The following CYP2C8 variants were observed in gnomAD, a reference collection of about 807,000 sequenced individuals.
CYP2C8 encodes cytochrome P450 family 2 subfamily C member 8.
CYP2C8 carries 51 observed loss-of-function variants against 41.3 expected under a neutral mutation model. That is an observed-to-expected ratio of 1.24 (90% confidence interval 0.99 to 1.56). The LOEUF is 1.56. CYP2C8 is among the 40% of genes most tolerant of loss of function. The pLI is 0.00. For missense variants in CYP2C8, 651 were observed against 579.9 expected (o/e 1.12, Z -1.26); for synonymous variants, 218 against 205.8 (o/e 1.06, Z -0.51).
intron 4 of CYP2C8, among the ~76,000 whole-genome samples, chr10:95,062,386 A>G (rs1392713602): frequency 1.3e-5 from 2 of 152,140 alleles, no homozygotes; most frequent in Admixed American, 1.3e-4. Context: ...TCCCTTTACC[A>G]TTATGTAATG....
intron 4 of CYP2C8, among the ~76,000 whole-genome samples, chr10:95,062,889 C>A (rs1269509682): frequency 6.6e-6 from 1 of 152,106 alleles, no homozygotes; most frequent in African/African-American, 2.4e-5. Context: ...ATTTCTCCTT[C>A]ACTTATGAAG....
intron 4 of CYP2C8, among the ~76,000 whole-genome samples, chr10:95,061,295 G>T (rs1249716098): frequency 6.6e-6 from 1 of 152,024 alleles, no homozygotes; most frequent in East Asian, 1.9e-4. Flanking sequence ...TTGGTAAGCT[G>T]TTAATTATTG....
chr10:95,066,924 C>T (rs2033581561), intron 3 of CYP2C8, among the ~76,000 whole-genome samples: 1 of 152,136 alleles, frequency 6.6e-6, no homozygotes, highest in Non-Finnish European at 1.5e-5. Context: ...ACTCAAGACC[C>T]TTATTTATAA....
chr10:95,054,447 T>C (rs2033273766), intron 5 of CYP2C8, among the ~76,000 whole-genome samples: 1 of 152,164 alleles, frequency 6.6e-6, no homozygotes, highest in African/African-American at 2.4e-5. Flanking sequence ...AAAGGTATTT[T>C]ATATCAAATT....
rs2134404019 is a variant in CYP2C8 at position 95,037,453 on chromosome 10, G to C, written c.1292-144C>G. The C allele has an allele frequency of 1.8e-5, 13 of 721,336 alleles. No homozygotes were observed. In the South Asian group the frequency reaches 2.1e-4, roughly 12 times the overall value. 44.7% of individuals were successfully genotyped at this position (721,336 alleles called of 1,614,324 possible). On this transcript the variant is annotated intron_variant, in intron 8 of 8. Transcript: ENST00000371270. ...AGATGAATGAACATGTGGATGAATG[G>C]ATGGATGACATGATGGATTGATTAA...
chr10:95,058,297 CAAG>C, intron 5 of CYP2C8, 35 bp downstream of exon 5: 1 of 1,610,644 alleles, frequency 6.2e-7, no homozygotes, highest in Non-Finnish European at 8.5e-7. Context: ...ACAAAATGGA[CAAG>C]AAATCAAAAT....
At chr10:95,060,271 A>G (rs2033399379) in intron 4 of CYP2C8, among the ~76,000 whole-genome samples, 1 of 152,176 alleles carries the variant, frequency 6.6e-6, no homozygotes, top group Admixed American at 6.5e-5. Context: ...TTTCCTACCC[A>G]TGAGCATGGA....
At chr10:95,063,534 A>G (rs529946620) in intron 4 of CYP2C8, among the ~76,000 whole-genome samples, 2 of 152,238 alleles carry the variant, frequency 1.3e-5, no homozygotes, top group East Asian at 3.9e-4. Context: ...CTAGTTAGCC[A>G]TTCATCTAAT....
chr10:95,069,408 C>A lies in CYP2C8; in HGVS notation c.-6G>T. Reference sequence around the variant, plus strand: ...AGGACCACAAAAGGTTCCATTGAAGCCTTCTCTTCTTATTAAGACAGCTGT... The same window carrying A: ...AGGACCACAAAAGGTTCCATTGAAGACTTCTCTTCTTATTAAGACAGCTGT... On this transcript the variant is annotated 5_prime_UTR_variant, in exon 1 of 9. Coordinates refer to ENST00000371270, the MANE Select transcript of CYP2C8 (RefSeq NM_000770.3). The A allele has an allele frequency of 6.2e-7, 1 of 1,613,762 alleles. No homozygotes were observed. The highest frequency in any genetic ancestry group is 8.5e-7 in the Non-Finnish European group (1 of 1,179,722).
At position 95,067,639 on chromosome 10, in the gene CYP2C8, A is replaced by G. The variant is rs2033600096; in HGVS notation, c.221T>C (p.Ile74Thr). 5.6e-6 allele frequency: 9 copies of G among 1,614,098 alleles called. No individual in the cohort carries two copies. The highest frequency in any genetic ancestry group is 5.1e-6 in the Non-Finnish European group (6 of 1,179,966). ...TGCCTCATATCCATGAAACACCACTATGGGATTCATGCCAAAATACACGGT... is the reference window on the plus strand; with the variant it reads ...TGCCTCATATCCATGAAACACCACTGTGGGATTCATGCCAAAATACACGGT... ...VFTVYFGMNP[I>T]VVFHGYEAVK... is the part of the protein sequence containing the mutation. Residue 74 changes from isoleucine (I) to threonine (T), a missense_variant, in exon 2 of 9, where the codon ATA becomes ACA. Ile to Thr is a moderately conservative substitution (Grantham distance 89, BLOSUM62 -1). Transcript: ENST00000371270.
At chr10:95,054,261 T>G (rs1465375389) in intron 5 of CYP2C8, among the ~76,000 whole-genome samples, 3 of 151,670 alleles carry the variant, frequency 2.0e-5, no homozygotes, top group African/African-American at 7.3e-5. Context: ...AATAAGAAAA[T>G]CAATCAATGT....
intron 4 of CYP2C8, among the ~76,000 whole-genome samples, chr10:95,061,127 C>T (rs1202957683): frequency 6.6e-6 from 1 of 152,120 alleles, no homozygotes; most frequent in Non-Finnish European, 1.5e-5. Context: ...CTCTGCCAGG[C>T]TTTGTTATCA....
intron 6 of CYP2C8, among the ~76,000 whole-genome samples, chr10:95,045,162 T>C (rs1179215026): frequency 1.6e-4 from 25 of 152,214 alleles, no homozygotes; most frequent in Admixed American, 1.6e-3. Context: ...AAGGGTAAAT[T>C]GTAAATTCTA....
At chr10:95,049,152 C>A (rs950677312) in intron 5 of CYP2C8, among the ~76,000 whole-genome samples, 2 of 152,016 alleles carry the variant, frequency 1.3e-5, no homozygotes, top group African/African-American at 4.8e-5. Context: ...AGAAAGTGGG[C>A]AAACAACATG....
At chr10:95,055,881 A>G (rs768520204) in intron 5 of CYP2C8, among the ~76,000 whole-genome samples, 26 of 152,204 alleles carry the variant, frequency 1.7e-4, no homozygotes, top group Middle Eastern at 3.4e-3. Flanking sequence ...GCTTGAGCTC[A>G]GGAGTTTGAG....
At chr10:95,055,358 CA>C (rs563245879) in intron 5 of CYP2C8, among the ~76,000 whole-genome samples, 1 of 149,958 alleles carries the variant, frequency 6.7e-6, no homozygotes, top group African/African-American at 2.4e-5. Flanking sequence ...GGAAGAGTTT[CA>C]AAAAAAAATA....
intron 4 of CYP2C8, among the ~76,000 whole-genome samples, chr10:95,061,528 C>T (rs117530387): frequency 0.08 from 12,147 of 152,094 alleles, 611 homozygotes; most frequent in Middle Eastern, 0.16. Flanking sequence ...TGAGTTTTCT[C>T]TCTTTTCTTC....
intron 7 of CYP2C8, chr10:95,041,092 G>A (rs1404151202): frequency 4.9e-6 from 2 of 405,166 alleles, no homozygotes; most frequent in Non-Finnish European, 9.9e-6. Context: ...AGGGATGTGA[G>A]GCCAGTATAT....
chr10:95,039,631 G>A (rs2032956846), intron 7 of CYP2C8, among the ~76,000 whole-genome samples: 1 of 152,150 alleles, frequency 6.6e-6, no homozygotes, highest in African/African-American at 2.4e-5. Context: ...ATCAGGTCAG[G>A]TAAGGATCAT....
Sources: allele counts gnomAD v4.1 joint callset (sites outside exome capture counted in the v4.1 genomes callset), GRCh38; gene constraint gnomAD v4.1.1; transcripts MANE v1.5; gene names NCBI Gene and HGNC (gene_info 2026-07-23, HGNC 2026-07-21).